Variants in DCHS2 observed in about 807,000 individuals in gnomAD.
DCHS2 encodes dachsous cadherin-related 2.
In DCHS2, 142 loss-of-function variants were observed where a neutral mutation model predicts 182.4. The ratio of observed to expected loss-of-function variants is 0.78; its 90% CI spans 0.68 to 0.89. The LOEUF (loss-of-function observed/expected upper bound fraction) is 0.89. DCHS2 is among the 40% of genes least tolerant of loss of function. The pLI, the probability that DCHS2 is intolerant of heterozygous loss-of-function variation, is 0.00. For missense variants in DCHS2, 4,319 were observed against 4,198.6 expected (o/e 1.03, Z -0.79); for synonymous variants, 1,740 against 1,663.3 (o/e 1.05, Z -1.12).
chr4:154,395,147 A>C (rs1731875697), intron 1 of DCHS2, among the ~76,000 whole-genome samples: 1 of 152,202 alleles, frequency 6.6e-6, no homozygotes, highest in Non-Finnish European at 1.5e-5. Flanking sequence ...TAGTGCAGAG[A>C]AGTAAAAATA....
chr4:154,425,201 A>C (rs1733271994), intron 1 of DCHS2, among the ~76,000 whole-genome samples: 1 of 152,168 alleles, frequency 6.6e-6, no homozygotes, highest in Non-Finnish European at 1.5e-5. Context: ...TCACAGCTGA[A>C]TGAAAGGATG....
intron 1 of DCHS2, among the ~76,000 whole-genome samples, chr4:154,393,517 C>G (rs528094817): frequency 3.3e-4 from 50 of 152,308 alleles, no homozygotes; most frequent in African/African-American, 1.2e-3. Context: ...GTGATAGTCA[C>G]AATGTCTTCA....
intron 1 of DCHS2, among the ~76,000 whole-genome samples, chr4:154,439,453 T>A (rs1372524432): frequency 1.3e-5 from 2 of 152,202 alleles, no homozygotes; most frequent in Non-Finnish European, 2.9e-5. Context: ...TGTTTTTTAG[T>A]TAATATTACA....
At chr4:154,386,568 G>A (rs972837393) in intron 1 of DCHS2, among the ~76,000 whole-genome samples, 16 of 151,230 alleles carry the variant, frequency 1.1e-4, no homozygotes, top group African/African-American at 3.9e-4. Context: ...TTATTTATTT[G>A]TATATTGATA....
At chr4:154,421,965 C>A (rs1014028073) in intron 1 of DCHS2, among the ~76,000 whole-genome samples, 1 of 152,148 alleles carries the variant, frequency 6.6e-6, no homozygotes. Context: ...CATTTTCTAT[C>A]CTCTTTTTAT....
At chr4:154,420,784 C>T (rs1733079910) in intron 1 of DCHS2, among the ~76,000 whole-genome samples, 1 of 152,178 alleles carries the variant, frequency 6.6e-6, no homozygotes, top group Non-Finnish European at 1.5e-5. Flanking sequence ...TAATGTTTTT[C>T]CAGATACCTG....
At chr4:154,431,690 T>C (rs976550483) in intron 1 of DCHS2, among the ~76,000 whole-genome samples, 3 of 152,174 alleles carry the variant, frequency 2.0e-5, no homozygotes, top group African/African-American at 7.2e-5. Flanking sequence ...CATGAGGACA[T>C]AGGGATATCA....
At chr4:154,322,559 A>G in intron 7 of DCHS2, 71 bp from the exon 8 acceptor site, 1 of 1,475,020 alleles carries the variant, frequency 6.8e-7, no homozygotes, top group African/African-American at 1.4e-5. Flanking sequence ...AATTAATCCA[A>G]TATATCGATC....
At position 154,321,019 on chromosome 4, in the gene DCHS2, G is replaced by A. The variant is rs1219257992; in HGVS notation, c.4380C>T (p.Asp1460=). The A allele has an allele frequency of 6.2e-7, 1 of 1,613,832 alleles. No individual in the cohort carries two copies. The highest frequency in any genetic ancestry group is 1.7e-5 in the Admixed American group (1 of 59,978). The part of the protein sequence containing the change: ...GHFEIDSSTG[D]LFLSKELDYE... Reference sequence around the variant, plus strand: ...AATCAAGTTCCTTAGAAAGAAACAAGTCTCCGGTTGAGCTGTCTATTTCAA... The same window carrying A: ...AATCAAGTTCCTTAGAAAGAAACAAATCTCCGGTTGAGCTGTCTATTTCAA... Residue 1460 remains aspartate (D), a synonymous_variant, in exon 9 of 20, where the codon GAC becomes GAT. Coordinates refer to ENST00000357232, the MANE Select transcript of DCHS2 (RefSeq NM_001358235.2).
intron 13 of DCHS2, among the ~76,000 whole-genome samples, chr4:154,293,929 C>A: frequency 6.6e-6 from 1 of 151,818 alleles, no homozygotes; most frequent in East Asian, 1.9e-4. Context: ...CTGCCTGGCA[C>A]AACTATCTCC....
chr4:154,272,141 A>G (rs1405119834), intron 13 of DCHS2: 2 of 152,094 alleles, frequency 1.3e-5, no homozygotes, highest in Admixed American at 6.6e-5. Context: ...TAAATGGAAA[A>G]CCACAATTTC....
intron 14 of DCHS2, among the ~76,000 whole-genome samples, chr4:154,265,287 C>T (rs796662515): frequency 1.8e-4 from 27 of 152,196 alleles, no homozygotes; most frequent in African/African-American, 6.5e-4. Context: ...GACATACAAG[C>T]CTGTACATTT....
At chr4:154,468,186 C>T (rs897683692) in intron 1 of DCHS2, among the ~76,000 whole-genome samples, 1 of 152,124 alleles carries the variant, frequency 6.6e-6, no homozygotes, top group South Asian at 2.1e-4. Context: ...ATTGCACATA[C>T]ATGTTTCATG....
rs1311683067 is a variant in DCHS2, at chr4:154,236,458, T to C, written c.8194A>G (p.Lys2732Glu). 1.9e-6 allele frequency: 3 copies of C among 1,614,044 alleles called. No individual in the cohort carries two copies. The highest frequency in any genetic ancestry group is 2.2e-5 in the East Asian group (1 of 44,866). The change falls in exon 20 of 20, where the codon AAA becomes GAA. Residue 2732 changes from lysine (K) to glutamate (E), a missense_variant. Transcript: ENST00000357232. Reference sequence around the variant, plus strand: ...ACAGTTAAGGTGAATTTTGTCATTTTTTCATAATCCAGAGGTTTAATCAAA... The same window carrying C: ...ACAGTTAAGGTGAATTTTGTCATTTCTTCATAATCCAGAGGTTTAATCAAA... Reference protein sequence around the residue: ...LYLIKPLDYEKMTKFTLTVQA... With the variant: ...LYLIKPLDYEEMTKFTLTVQA...
At chr4:154,344,343 T>A (rs1729257094) in intron 3 of DCHS2, among the ~76,000 whole-genome samples, 3 of 152,188 alleles carry the variant, frequency 2.0e-5, no homozygotes. Flanking sequence ...AAGCACACTA[T>A]CTGTGAAGCA....
chr4:154,344,412 A>C (rs1472311209), intron 3 of DCHS2, among the ~76,000 whole-genome samples: 1 of 152,180 alleles, frequency 6.6e-6, no homozygotes, highest in Non-Finnish European at 1.5e-5. Context: ...CATGGCTACT[A>C]GGTCATTTAT....
intron 3 of DCHS2, chr4:154,357,208 C>A: frequency 6.4e-7 from 1 of 1,572,166 alleles, no homozygotes. Flanking sequence ...TTGGAGAAGG[C>A]TAACCTCTAC....
chr4:154,320,184 T>C (rs1277196126), intron 9 of DCHS2, among the ~76,000 whole-genome samples, 195 bp downstream of exon 9: 5 of 152,124 alleles, frequency 3.3e-5, no homozygotes, highest in Admixed American at 6.5e-5. Context: ...AGAGGCTGGA[T>C]GGAAGGGAAA....
At chr4:154,349,363 G>C (rs1463894970) in intron 3 of DCHS2, among the ~76,000 whole-genome samples, 1 of 152,160 alleles carries the variant, frequency 6.6e-6, no homozygotes, top group African/African-American at 2.4e-5. Context: ...AGGTCAAATA[G>C]ACAACTTCAT....
Sources: allele counts gnomAD v4.1 joint callset (sites outside exome capture counted in the v4.1 genomes callset), GRCh38; gene constraint gnomAD v4.1.1; transcripts MANE v1.5; gene names NCBI Gene and HGNC (gene_info 2026-07-23, HGNC 2026-07-21).